UBE2D4: variants seen among roughly 807,000 people sequenced by gnomAD.
UBE2D4 encodes the protein ubiquitin-conjugating enzyme E2 D4.
UBE2D4 carries 17 observed loss-of-function variants against 23.0 expected under a neutral mutation model. The observed-to-expected ratio is 0.74, with a 90% confidence interval of 0.51 to 1.11. UBE2D4 has a LOEUF of 1.11. UBE2D4 is among the 50% of genes least tolerant of loss of function. The pLI, the probability that UBE2D4 is intolerant of heterozygous loss-of-function variation, is 0.00. For synonymous variants in UBE2D4, 61 were observed against 69.4 expected, an observed-to-expected ratio of 0.88 and a Z score of 0.60; for missense variants, 139 against 181.8, an observed-to-expected ratio of 0.76 and a Z score of 1.35.
At chr7:43,945,177 A>G (rs1435393941) in intron 4 of UBE2D4, among the ~76,000 whole-genome samples, 1 of 151,916 alleles carries the variant, frequency 6.6e-6, no homozygotes, top group East Asian at 1.9e-4. Context: ...ATTTTTAGTA[A>G]AGATGGGGTT....
Position 43,952,701 on chromosome 7 carries a change from T to C in UBE2D4, c.*6T>C. ...CACAAAAATATGCTATGTAAGTGCCTTGGAGGTTTTACATGAGACACTGTC... is the reference window on the plus strand; with the variant it reads ...CACAAAAATATGCTATGTAAGTGCCCTGGAGGTTTTACATGAGACACTGTC... On this transcript the variant is annotated 3_prime_UTR_variant, in exon 7 of 7. Transcript: ENST00000222402. 1 of 1,612,164 alleles carries C rather than the reference T, an allele frequency of 6.2e-7. No individual in the cohort carries two copies. The highest frequency in any genetic ancestry group is 8.5e-7 in the Non-Finnish European group (1 of 1,178,290).
chr7:43,930,177 G>A (rs560964461), intron 1 of UBE2D4, among the ~76,000 whole-genome samples: 5 of 152,132 alleles, frequency 3.3e-5, no homozygotes, highest in Non-Finnish European at 7.4e-5. Flanking sequence ...TGCTCATTCC[G>A]AAACCAATGA....
At chr7:43,946,412 A>C (rs1479649183) in intron 4 of UBE2D4, 1 of 152,152 alleles carries the variant, frequency 6.6e-6, no homozygotes, top group African/African-American at 2.4e-5. Flanking sequence ...CTCTCTAGCC[A>C]CGCCTGGCCC....
intron 2 of UBE2D4, 26 bp downstream of exon 2, chr7:43,938,520 T>C (rs1333983633): frequency 1.2e-6 from 2 of 1,611,180 alleles, no homozygotes; most frequent in Non-Finnish European, 1.7e-6. Flanking sequence ...GGCTTCAAGT[T>C]GTAGGAGCAT....
chr7:43,935,364 C>T (rs1397923317), intron 1 of UBE2D4, among the ~76,000 whole-genome samples: 4 of 152,128 alleles, frequency 2.6e-5, no homozygotes, highest in Non-Finnish European at 5.9e-5. Context: ...ATTTTTACTG[C>T]TTCATCCTCA....
chr7:43,938,296 C>T (rs2095962914), intron 1 of UBE2D4, 135 bp from the exon 2 acceptor site: 5 of 785,942 alleles, frequency 6.4e-6, no homozygotes, highest in Non-Finnish European at 1.1e-5. Flanking sequence ...TCCTATGACC[C>T]ACCATGTCTC....
Position 43,953,088 on chromosome 7 carries a change from T to C in UBE2D4, c.*393T>C. ...GGCCTCAGCCTGGCCCCTCACCACATACCCTTTGCCTTTTAGAACTCAGTG... is the reference window on the plus strand; with the variant it reads ...GGCCTCAGCCTGGCCCCTCACCACACACCCTTTGCCTTTTAGAACTCAGTG... On this transcript the variant is annotated 3_prime_UTR_variant, in exon 7 of 7. Coordinates refer to ENST00000222402, the MANE Select transcript of UBE2D4 (RefSeq NM_015983.4). 1 of 456,754 alleles carries C rather than the reference T, an allele frequency of 2.2e-6. No individual in the cohort carries two copies. The highest frequency in any genetic ancestry group is 2.4e-5 in the Admixed American group (1 of 42,514). The allele number at this position is 456,754 out of a possible 1,614,324, so 28.3% of individuals were successfully genotyped here.
intron 4 of UBE2D4, among the ~76,000 whole-genome samples, chr7:43,945,233 TCCGCC>T (rs2095983234): frequency 6.6e-6 from 1 of 152,162 alleles, no homozygotes; most frequent in Non-Finnish European, 1.5e-5. Context: ...CCTCAGGTGA[TCCGCC>T]CACCACGGCC....
intron 4 of UBE2D4, among the ~76,000 whole-genome samples, chr7:43,948,114 T>G (rs2095992515): frequency 6.6e-6 from 1 of 152,206 alleles, no homozygotes; most frequent in Admixed American, 6.5e-5. Flanking sequence ...ATGGGTAGAT[T>G]GCAAAATTTT....
At chr7:43,927,650 A>G (rs1287664191) in intron 1 of UBE2D4, among the ~76,000 whole-genome samples, 3 of 152,134 alleles carry the variant, frequency 2.0e-5, no homozygotes, top group Non-Finnish European at 4.4e-5. Flanking sequence ...CATGACTAGT[A>G]ACTTATTTAG....
chr7:43,946,546 C>T (rs1171814961), intron 4 of UBE2D4, among the ~76,000 whole-genome samples: 2 of 152,108 alleles, frequency 1.3e-5, no homozygotes, highest in Non-Finnish European at 2.9e-5. Context: ...ATGGAACAGA[C>T]CTTTCCGTGA....
intron 1 of UBE2D4, among the ~76,000 whole-genome samples, chr7:43,932,423 T>G (rs1408838943): frequency 6.6e-6 from 1 of 152,248 alleles, no homozygotes; most frequent in Non-Finnish European, 1.5e-5. Context: ...GAGTTTTGTG[T>G]GGGAACACAG....
intron 1 of UBE2D4, among the ~76,000 whole-genome samples, chr7:43,928,566 A>C (rs1007140608): frequency 7.9e-5 from 12 of 152,150 alleles, no homozygotes; most frequent in Non-Finnish European, 1.3e-4. Context: ...TCTTTCTGGC[A>C]GCAGTGTGGC....
At chr7:43,927,339 A>G (rs2095934315) in intron 1 of UBE2D4, among the ~76,000 whole-genome samples, 1 of 137,606 alleles carries the variant, frequency 7.3e-6, no homozygotes, top group Admixed American at 8.2e-5. Context: ...TCTGTCGCCC[A>G]GGCTGGAGTA....
chr7:43,952,856 T>C lies in UBE2D4; in HGVS notation c.*161T>C. The C allele has an allele frequency of 4.8e-6, 3 of 621,810 alleles. No individual in the cohort carries two copies. In the Admixed American group the frequency reaches 7.4e-5, roughly 15 times the overall value. The allele number at this position is 621,810 out of a possible 1,614,324, so 38.5% of individuals were successfully genotyped here. On this transcript the variant is annotated 3_prime_UTR_variant, in exon 7 of 7. Transcript: ENST00000222402. The stretch of plus-strand genomic sequence containing the variant: ...CTCCAGCTGCAGCATGTTGGTGCCA[T>C]TTTCAGCAATTACGGCTTTGACAGT...
At position 43,942,007 on chromosome 7, in the gene UBE2D4, CTTTG is replaced by C. The variant is rs1044778082; in HGVS notation, c.89-814_89-811del. ...AAGATACCATACCTGATAGGAATGT[CTTTG>C]TTTGGCTGGAAGCTTTAATGCACAC... On this transcript the variant is annotated intron_variant, in intron 2 of 6. Coordinates refer to ENST00000222402, the MANE Select transcript of UBE2D4 (RefSeq NM_015983.4). 5 of 152,152 alleles carry C rather than the reference CTTTG, an allele frequency of 3.3e-5. No individual in the cohort carries two copies. In the South Asian group the frequency reaches 8.3e-4, roughly 25 times the overall value. The allele number at this position is 152,152 out of a possible 1,614,324, so 9.4% of individuals were successfully genotyped here.
intron 4 of UBE2D4, chr7:43,946,357 G>A (rs1193706921): frequency 1.3e-5 from 2 of 152,148 alleles, no homozygotes; most frequent in East Asian, 1.9e-4. Context: ...AAAGTCAAAT[G>A]TAGGACAGTA....
At chr7:43,932,984 G>GCATATATATATATATATATATATA (rs1269226650) in intron 1 of UBE2D4, among the ~76,000 whole-genome samples, 1 of 85,794 alleles carries the variant, frequency 1.2e-5, no homozygotes, top group African/African-American at 4.4e-5. Flanking sequence ...AAATGTTAAA[G>GCATATATATATATATATATATATA]TATATATATA....
intron 4 of UBE2D4, 142 bp from the exon 5 acceptor site, chr7:43,948,490 G>A (rs1345712828): frequency 1.7e-6 from 1 of 600,256 alleles, no homozygotes. Context: ...TTTGGGAGTG[G>A]GGGTCTGGCT....
Sources: allele counts gnomAD v4.1 joint callset (sites outside exome capture counted in the v4.1 genomes callset), GRCh38; gene constraint gnomAD v4.1.1; transcripts MANE v1.5; gene names NCBI Gene and HGNC (gene_info 2026-07-23, HGNC 2026-07-21).